Variants in FARP1 observed in about 807,000 individuals in gnomAD.
FARP1 encodes the protein FERM, ARHGEF and pleckstrin domain-containing protein 1.
In FARP1, 52 loss-of-function variants were observed where a neutral mutation model predicts 128.8. The observed-to-expected ratio is 0.40, with a 90% CI of 0.32 to 0.51. The LOEUF (loss-of-function observed/expected upper bound fraction) is 0.51. Among genes scored for constraint, FARP1 ranks in the 20% least tolerant of loss-of-function variants. FARP1 has a pLI of 0.45. For synonymous variants in FARP1, 580 were observed against 551.8 expected (o/e 1.05, Z -0.72); for missense variants, 1,333 against 1,367.9 (o/e 0.97, Z 0.40).
At chr13:98,182,009 A>C (rs9556896) in intron 1 of FARP1, among the ~76,000 whole-genome samples, 116,875 of 152,030 alleles carry the variant, frequency 0.77, 45,128 homozygotes, top group Admixed American at 0.82. Context: ...ATGATAAATA[A>C]TAAATACTAA....
At chr13:98,390,217 G>T in intron 10 of FARP1, 97 bp downstream of exon 10, 1 of 1,330,256 alleles carries the variant, frequency 7.5e-7, no homozygotes. Context: ...GGAGGTGAAC[G>T]CTCATTGGCC....
At chr13:98,444,630 C>T (rs1892707178) in intron 24 of FARP1, among the ~76,000 whole-genome samples, 1 of 152,160 alleles carries the variant, frequency 6.6e-6, no homozygotes. Flanking sequence ...CGAGGAAGGG[C>T]CGCTGGATGT....
intron 1 of FARP1, among the ~76,000 whole-genome samples, chr13:98,175,024 C>G (rs1029387320): frequency 6.6e-6 from 1 of 152,098 alleles, no homozygotes; most frequent in Admixed American, 6.5e-5. Flanking sequence ...AAAGTTTTGC[C>G]GAAGTTCGCT....
intron 21 of FARP1, 129 bp from the exon 22 acceptor site, chr13:98,439,832 T>A: frequency 3.0e-6 from 2 of 661,278 alleles, no homozygotes; most frequent in Non-Finnish European, 5.2e-6. Context: ...TCTCCCTCTG[T>A]GGGGCTCTGG....
intron 2 of FARP1, among the ~76,000 whole-genome samples, chr13:98,305,415 T>TCCAC (rs1566855502): frequency 4.0e-5 from 6 of 151,784 alleles, no homozygotes; most frequent in Non-Finnish European, 5.9e-5. Context: ...GCAGCCTCCA[T>TCCAC]CTCCACCTCC....
At position 98,416,719 on chromosome 13, in the gene FARP1, T is replaced by G. The variant is rs114229843; in HGVS notation, c.1826+4685T>G. 4.1e-3 allele frequency among the ~76,000 whole-genome samples: 620 copies of G among 152,076 alleles called. 3 individuals are homozygous for G. Among genetic ancestry groups the G allele is most frequent in the African/African-American group, 0.015 (602 of 41,476 alleles). On this transcript the variant is annotated intron_variant, in intron 16 of 26. Transcript: ENST00000319562. ...GGACTCCCAAATGCCAGCCCTGAGGTGACTGGCAGAGGCTGAGTGCAAGGT... is the reference window on the plus strand; with the variant it reads ...GGACTCCCAAATGCCAGCCCTGAGGGGACTGGCAGAGGCTGAGTGCAAGGT...
chr13:98,409,646 G>A (rs746098153), intron 14 of FARP1, 121 bp downstream of exon 14: 27 of 844,068 alleles, frequency 3.2e-5, no homozygotes, highest in Non-Finnish European at 4.6e-5. Context: ...ATTTTCAAGT[G>A]TACAGCTTGC....
chr13:98,445,621 C>T (rs1322000616), intron 24 of FARP1: 1 of 154,210 alleles, frequency 6.5e-6, no homozygotes, highest in Non-Finnish European at 1.4e-5. Flanking sequence ...ATGGATCTTT[C>T]CCTCCTTCAG....
chr13:98,219,718 T>G (rs1881300573), intron 2 of FARP1, among the ~76,000 whole-genome samples: 1 of 152,202 alleles, frequency 6.6e-6, no homozygotes. Flanking sequence ...CAGGCTGGAG[T>G]GCAGTGGAGC....
At chr13:98,393,878 C>G (rs1030507557) in intron 12 of FARP1, among the ~76,000 whole-genome samples, 160 bp downstream of exon 12, 2 of 152,174 alleles carry the variant, frequency 1.3e-5, no homozygotes, top group African/African-American at 4.8e-5. Flanking sequence ...CAGATATAGG[C>G]TTTGTGCCAT....
intron 16 of FARP1, among the ~76,000 whole-genome samples, chr13:98,422,584 G>A (rs187055586): frequency 1.3e-5 from 2 of 152,300 alleles, no homozygotes; most frequent in African/African-American, 4.8e-5. Context: ...TTCCTGTGAT[G>A]TAATTTGCAC....
At chr13:98,283,222 A>G (rs1885013495) in intron 2 of FARP1, among the ~76,000 whole-genome samples, 1 of 152,202 alleles carries the variant, frequency 6.6e-6, no homozygotes, top group Admixed American at 6.5e-5. Context: ...CTTAGTTAGG[A>G]ATTTTCATAA....
intron 2 of FARP1, among the ~76,000 whole-genome samples, chr13:98,291,948 G>A (rs1885469537): frequency 6.6e-6 from 1 of 152,202 alleles, no homozygotes; most frequent in Non-Finnish European, 1.5e-5. Flanking sequence ...GTCCTTGGTG[G>A]GGAAACAATA....
intron 2 of FARP1, among the ~76,000 whole-genome samples, chr13:98,278,488 C>T (rs1343729742): frequency 6.6e-6 from 1 of 152,088 alleles, no homozygotes; most frequent in African/African-American, 2.4e-5. Flanking sequence ...TGTTGTGTAA[C>T]TCACCAGATG....
In FARP1 at chr13:98,295,046, TACACACACACACACACACACAC is replaced by T. The variant is rs746373395; in HGVS notation, c.172-48678_172-48657del. 2.1e-3 allele frequency among the ~76,000 whole-genome samples: 224 copies of T among 108,382 alleles called. 1 individual carries two copies. Among genetic ancestry groups the T allele is most frequent in the Admixed American group, 3.4e-3 (32 of 9,320 alleles). The allele number at this position is 108,382 out of a possible 152,430, so 71.1% of individuals were successfully genotyped here. On this transcript the variant is annotated intron_variant, in intron 2 of 26. Coordinates refer to ENST00000319562, the MANE Select transcript of FARP1 (RefSeq NM_005766.4). ...AAAAAAAAATTATATATATATATATTACACACACACACACACACACACACACACACACACACACACACACACA... is the reference window on the plus strand; with the variant it reads ...AAAAAAAAATTATATATATATATATTACACACACACACACACACACACACA...
chr13:98,267,889 C>G (rs529955764), intron 2 of FARP1, among the ~76,000 whole-genome samples: 2 of 152,286 alleles, frequency 1.3e-5, no homozygotes, highest in South Asian at 4.2e-4. Context: ...GGTGGGGCTC[C>G]CTCAGGGGCA....
rs371078735 is a variant in FARP1 at position 98,266,465 on chromosome 13, C to T, written c.171+53052C>T. Among the ~76,000 whole-genome samples the T allele has an allele frequency of 3.6e-4, 55 of 152,238 alleles. No homozygotes were observed. The East Asian group carries it at 8.9e-3, about 25-fold the overall frequency. ...TAGGAGGTGAAGTCCCTGGGCCCAG[C>T]TCAGCGTCCACAGCAAACTCCTATC... On this transcript the variant is annotated intron_variant, in intron 2 of 26. Transcript: ENST00000319562.
intron 5 of FARP1, among the ~76,000 whole-genome samples, chr13:98,377,580 C>T (rs921498405): frequency 1.3e-5 from 2 of 152,100 alleles, no homozygotes; most frequent in African/African-American, 2.4e-5. Flanking sequence ...TTTTATGGCT[C>T]TCTCTCCCTA....
chr13:98,258,060 G>A (rs1883695699), intron 2 of FARP1, among the ~76,000 whole-genome samples: 1 of 151,982 alleles, frequency 6.6e-6, no homozygotes, highest in African/African-American at 2.4e-5. Flanking sequence ...TGCAAGCTCT[G>A]CCTCCTGGGT....
Sources: allele counts gnomAD v4.1 joint callset (sites outside exome capture counted in the v4.1 genomes callset), GRCh38; gene constraint gnomAD v4.1.1; transcripts MANE v1.5; gene names NCBI Gene and HGNC (gene_info 2026-07-23, HGNC 2026-07-21).